NAPEPLD: variants seen among roughly 807,000 people sequenced by gnomAD.
NAPEPLD encodes the protein N-acyl phosphatidylethanolamine phospholipase D, also known as N-acyl-phosphatidylethanolamine-hydrolyzing phospholipase D.
In NAPEPLD, 23 loss-of-function variants were observed where a neutral mutation model predicts 38.1. That is an observed-to-expected ratio of 0.60 (90% CI 0.43 to 0.86). NAPEPLD has a LOEUF of 0.86. Among genes scored for constraint, NAPEPLD ranks in the 40% least tolerant of loss-of-function variants. The pLI is 0.00. For missense variants in NAPEPLD, 411 were observed against 476.8 expected (o/e 0.86, Z 1.28); for synonymous variants, 147 against 162.0 (o/e 0.91, Z 0.71).
intron 4 of NAPEPLD, among the ~76,000 whole-genome samples, chr7:103,105,534 A>G (rs1803135478): frequency 6.6e-6 from 1 of 152,234 alleles, no homozygotes; most frequent in South Asian, 2.1e-4. Flanking sequence ...GATAAATTAG[A>G]TGTTGCCATA....
chr7:103,102,851 C>A lies in NAPEPLD; in HGVS notation c.*578G>T, dbSNP rs1036097996. The stretch of plus-strand genomic sequence containing the variant: ...AAAATCAAGTCTTTAAAAATGATAG[C>A]CCCTATGTTTTTATGCTTACCTAAA... On this transcript the variant is annotated 3_prime_UTR_variant, in exon 5 of 5. Coordinates refer to ENST00000465647, the MANE Select transcript of NAPEPLD (RefSeq NM_001122838.3). 3.3e-5 allele frequency: 5 copies of A among 152,458 alleles called. No individual in the cohort carries two copies. Among genetic ancestry groups the A allele is most frequent in the Admixed American group, 2.6e-4 (4 of 15,258 alleles). The allele number at this position is 152,458 out of a possible 1,614,324, so 9.4% of individuals were successfully genotyped here.
At chr7:103,149,524 T>C (rs973563294), upstream of NAPEPLD, 78 of 1,254,666 alleles carry the variant, frequency 6.2e-5, no homozygotes, top group Non-Finnish European at 7.8e-5. Context: ...TATTATGACC[T>C]TCGAATCTGA....
intron 2 of NAPEPLD, among the ~76,000 whole-genome samples, chr7:103,122,908 G>T (rs770021990): frequency 8.5e-5 from 13 of 152,178 alleles, no homozygotes; most frequent in Non-Finnish European, 1.5e-4. Flanking sequence ...AGTCTCCTCT[G>T]CTGCAAAATC....
intron 2 of NAPEPLD, among the ~76,000 whole-genome samples, chr7:103,123,893 T>C (rs979469191): frequency 4.6e-5 from 7 of 152,206 alleles, no homozygotes; most frequent in Non-Finnish European, 4.4e-5. Context: ...GGGGATAATA[T>C]ATATGTTCAT....
In NAPEPLD at chr7:103,101,900, C is replaced by T. The variant is rs565012131; in HGVS notation, c.*1529G>A. The T allele has an allele frequency of 1.3e-5, 2 of 152,122 alleles. No individual in the cohort carries two copies. The highest frequency in any genetic ancestry group is 6.5e-5 in the Admixed American group (1 of 15,276). The allele number at this position is 152,122 out of a possible 1,614,324, so 9.4% of individuals were successfully genotyped here. On this transcript the variant is annotated 3_prime_UTR_variant, in exon 5 of 5. Transcript: ENST00000465647. ...GACTGGATTAGGAATACAGAATGGG[C>T]CTCCAGTGGTATCTAATCCACCTCC... is the stretch of plus-strand genomic sequence containing the variant.
At chr7:103,147,973 CTTT>C in intron 1 of NAPEPLD, 1 of 980,924 alleles carries the variant, frequency 1.0e-6, no homozygotes, top group Non-Finnish European at 1.2e-6. Flanking sequence ...TAAATTTCTT[CTTT>C]AACAGACCCA....
intron 1 of NAPEPLD, among the ~76,000 whole-genome samples, chr7:103,143,619 C>G (rs1811937563): frequency 6.6e-6 from 1 of 152,134 alleles, no homozygotes; most frequent in African/African-American, 2.4e-5. Flanking sequence ...CCATCTTGAG[C>G]CAGGAGGGTG....
At chr7:103,138,009 G>T (rs1262904787) in intron 1 of NAPEPLD, among the ~76,000 whole-genome samples, 1 of 147,590 alleles carries the variant, frequency 6.8e-6, no homozygotes, top group Non-Finnish European at 1.5e-5. Context: ...ACGGAGTCGC[G>T]TTCTGTTACC....
chr7:103,129,212 C>CTGAGATCA (rs1191358918), intron 1 of NAPEPLD: 1 of 675,272 alleles, frequency 1.5e-6, no homozygotes, highest in Non-Finnish European at 1.8e-6. Context: ...TTGTGGTGAG[C>CTGAGATCA]TGAGATCACG....
intron 4 of NAPEPLD, among the ~76,000 whole-genome samples, chr7:103,113,776 G>A (rs372846299): frequency 1.3e-5 from 2 of 148,556 alleles, no homozygotes; most frequent in African/African-American, 2.5e-5. Context: ...AATTATAGGC[G>A]CCTGCCACCA....
intron 1 of NAPEPLD, among the ~76,000 whole-genome samples, chr7:103,136,473 G>C (rs1810092723): frequency 6.6e-6 from 1 of 151,176 alleles, no homozygotes; most frequent in Non-Finnish European, 1.5e-5. Context: ...TGTAGTCCCA[G>C]CTACTTGGGA....
upstream of NAPEPLD, chr7:103,149,453 C>A: frequency 7.9e-7 from 1 of 1,259,788 alleles, no homozygotes. Context: ...CAGCTGCAGG[C>A]AGCGCTTCAG....
intron 2 of NAPEPLD, among the ~76,000 whole-genome samples, chr7:103,123,309 C>T (rs1417410888): frequency 6.6e-6 from 1 of 152,170 alleles, no homozygotes; most frequent in African/African-American, 2.4e-5. Context: ...ATTAATGAAA[C>T]ACAGCATGTG....
At chr7:103,126,930 G>A (rs1041525450) in intron 2 of NAPEPLD, 1 of 151,580 alleles carries the variant, frequency 6.6e-6, no homozygotes, top group Non-Finnish European at 1.5e-5. Context: ...ACCTAGCCAT[G>A]TAATATTTTT....
intron 1 of NAPEPLD, chr7:103,148,052 T>G (rs1341866389): frequency 1.0e-6 from 1 of 984,876 alleles, no homozygotes; most frequent in Non-Finnish European, 1.2e-6. Context: ...AAAGATTACA[T>G]AACTTCTTTC....
At chr7:103,115,015 C>A in intron 4 of NAPEPLD, 45 bp downstream of exon 4, 1 of 1,440,418 alleles carries the variant, frequency 6.9e-7, no homozygotes, top group South Asian at 1.2e-5. Context: ...TGAATCCTAT[C>A]ATTGGTCAAA....
intron 1 of NAPEPLD, among the ~76,000 whole-genome samples, chr7:103,136,896 A>G (rs1165044874): frequency 6.6e-6 from 1 of 152,204 alleles, no homozygotes; most frequent in East Asian, 1.9e-4. Flanking sequence ...TCACAAAGAA[A>G]TGCCAACCAA....
chr7:103,149,299 G>A, upstream of NAPEPLD: 2 of 1,079,924 alleles, frequency 1.9e-6, no homozygotes, highest in Non-Finnish European at 2.3e-6. Context: ...GGGTGGCCGG[G>A]AGCGCGCGCC....
intron 1 of NAPEPLD, among the ~76,000 whole-genome samples, chr7:103,140,728 G>A (rs1467360755): frequency 1.3e-5 from 2 of 152,012 alleles, no homozygotes; most frequent in African/African-American, 4.8e-5. Context: ...TAACCCTCCT[G>A]GAGTCACCAG....
Sources: allele counts gnomAD v4.1 joint callset (sites outside exome capture counted in the v4.1 genomes callset), GRCh38; gene constraint gnomAD v4.1.1; transcripts MANE v1.5; gene names NCBI Gene and HGNC (gene_info 2026-07-23, HGNC 2026-07-21).